Variants in GARNL3 observed in about 807,000 individuals in gnomAD.
GARNL3 encodes GTPase-activating Rap/Ran-GAP domain-like protein 3.
A neutral mutation model predicts 125.0 loss-of-function variants in GARNL3; 63 were observed. That is an observed-to-expected ratio of 0.50 (90% CI 0.41 to 0.62). The LOEUF (loss-of-function observed/expected upper bound fraction) is 0.62, where lower values mean the gene tolerates loss of function less well. Among genes scored for constraint, GARNL3 ranks in the 20% least tolerant of loss-of-function variants. The probability of loss-of-function intolerance (pLI) is 0.00; values close to 1 mark genes in which losing one functional copy is unlikely to be tolerated. For synonymous variants in GARNL3, 439 were observed against 457.5 expected, an observed-to-expected ratio of 0.96 and a Z score of 0.52; for missense variants, 994 against 1,244.0, an observed-to-expected ratio of 0.80 and a Z score of 3.02.
At chr9:127,383,095 A>G (rs1039192423) in intron 22 of GARNL3, among the ~76,000 whole-genome samples, 5 of 152,176 alleles carry the variant, frequency 3.3e-5, no homozygotes, top group African/African-American at 1.2e-4. Flanking sequence ...AAACTACTTC[A>G]TCTCTCCTAA....
intron 20 of GARNL3, among the ~76,000 whole-genome samples, 157 bp from the exon 21 acceptor site, chr9:127,357,062 G>A (rs1355403850): frequency 6.6e-6 from 1 of 152,222 alleles, no homozygotes; most frequent in East Asian, 1.9e-4. Flanking sequence ...GTGACCCCTG[G>A]CACTCCTCTC....
intron 1 of GARNL3, among the ~76,000 whole-genome samples, chr9:127,267,382 A>G (rs966500278): frequency 6.6e-6 from 1 of 152,178 alleles, no homozygotes; most frequent in Non-Finnish European, 1.5e-5. Context: ...TTATATTGTT[A>G]TAATGAAATT....
chr9:127,321,632 T>C (rs542663952), intron 6 of GARNL3, among the ~76,000 whole-genome samples: 76 of 152,212 alleles, frequency 5.0e-4, no homozygotes, highest in African/African-American at 1.8e-3. Context: ...ATCAGAAAAA[T>C]GTCAACCAAA....
chr9:127,352,476 G>A (rs1419881119), intron 17 of GARNL3, among the ~76,000 whole-genome samples: 4 of 152,216 alleles, frequency 2.6e-5, no homozygotes, highest in African/African-American at 9.7e-5. Context: ...TGATCGTCCA[G>A]TGTTTTGAAA....
rs182418185 is a variant in GARNL3, at chr9:127,351,134, T to G, written c.1543+2099T>G. 3.9e-4 allele frequency among the ~76,000 whole-genome samples: 60 copies of G among 152,340 alleles called. 1 individual carries two copies. The East Asian group carries it at 0.011, about 27-fold the overall frequency. On this transcript the variant is annotated intron_variant, in intron 17 of 27. Coordinates refer to ENST00000373387, the MANE Select transcript of GARNL3 (RefSeq NM_032293.5). ...ATGTTCACTCCTTCCCTTTTGCCCT[T>G]TTGGGAAAGAGAAAGCATGCTTCAT...
intron 1 of GARNL3, among the ~76,000 whole-genome samples, chr9:127,284,180 G>C (rs1389508015): frequency 6.6e-6 from 1 of 152,096 alleles, no homozygotes; most frequent in Non-Finnish European, 1.5e-5. Context: ...GTTGTGACAA[G>C]ATCTTCAGTT....
chr9:127,311,659 T>G lies in GARNL3; in HGVS notation c.243T>G (p.Thr81=). The stretch of plus-strand genomic sequence containing the variant: ...AGAATGCAACTGCCCTGCCTGGTAC[T>G]TGGCGAAGAACAGACGTGCACTTAG... ...SDENATALPG[T]WRRTDVHLEN... is the part of the protein sequence containing the mutation. Residue 81 remains threonine (T), a synonymous_variant, in exon 3 of 28, where the codon ACT becomes ACG. Coordinates refer to ENST00000373387, the MANE Select transcript of GARNL3 (RefSeq NM_032293.5). 6.2e-7 allele frequency: 1 copy of G among 1,613,966 alleles called. No individual in the cohort carries two copies. The highest frequency in any genetic ancestry group is 2.2e-5 in the East Asian group (1 of 44,882).
At chr9:127,372,944 G>C (rs1375435795) in intron 22 of GARNL3, among the ~76,000 whole-genome samples, 1 of 152,146 alleles carries the variant, frequency 6.6e-6, no homozygotes, top group Non-Finnish European at 1.5e-5. Flanking sequence ...TTATTATGAA[G>C]AACAAAATTA....
chr9:127,355,174 T>C, intron 19 of GARNL3, 123 bp from the exon 20 acceptor site: 1 of 742,378 alleles, frequency 1.3e-6, no homozygotes, highest in South Asian at 1.7e-5. Context: ...TCGGAAACAT[T>C]CTCAGTCCAT....
chr9:127,357,535 GTTACCA>G (rs1406957437), intron 21 of GARNL3, among the ~76,000 whole-genome samples, 158 bp downstream of exon 21: 6 of 152,322 alleles, frequency 3.9e-5, no homozygotes, highest in Admixed American at 6.5e-5. Context: ...GCCATGTGAA[GTTACCA>G]TTTTTATAGG....
At chr9:127,381,028 G>A (rs546724900) in intron 22 of GARNL3, among the ~76,000 whole-genome samples, 34 of 152,268 alleles carry the variant, frequency 2.2e-4, no homozygotes, top group African/African-American at 8.2e-4. Context: ...ACAGGCATGC[G>A]CCACCACGCC....
intron 2 of GARNL3, among the ~76,000 whole-genome samples, chr9:127,304,047 A>T (rs1470553371): frequency 6.6e-6 from 1 of 152,242 alleles, no homozygotes; most frequent in Non-Finnish European, 1.5e-5. Context: ...CCTAAAGGGC[A>T]TAAAATAAGC....
Position 127,342,328 on chromosome 9 carries a change from G to A in GARNL3, c.1245G>A (p.Leu415=), listed in dbSNP as rs759157717. 5.0e-6 allele frequency: 8 copies of A among 1,593,888 alleles called. No homozygotes were observed. The highest frequency in any genetic ancestry group is 6.9e-6 in the Non-Finnish European group (8 of 1,161,562). ...TACACCAGGATTTGATGCCAGATTT[G>A]CATAAGGTAATTCTGGGTCCATGGT... ...RSLHQDLMPD[L]HKNMLNRRSF... is the part of the protein sequence containing the mutation. Residue 415 remains leucine (L), a synonymous_variant, in exon 14 of 28, where the codon TTG becomes TTA. Coordinates refer to ENST00000373387, the MANE Select transcript of GARNL3 (RefSeq NM_032293.5).
At chr9:127,342,981 T>A (rs916112545) in intron 14 of GARNL3, among the ~76,000 whole-genome samples, 1 of 139,276 alleles carries the variant, frequency 7.2e-6, no homozygotes, top group Admixed American at 8.0e-5. Context: ...CACTGCAACC[T>A]CCACCTCCTG....
chr9:127,343,681 G>A (rs1000940751), intron 14 of GARNL3, among the ~76,000 whole-genome samples: 1 of 152,184 alleles, frequency 6.6e-6, no homozygotes, highest in African/African-American at 2.4e-5. Flanking sequence ...GTTTTAAAGA[G>A]AACTAACATT....
intron 1 of GARNL3, among the ~76,000 whole-genome samples, chr9:127,277,598 A>G (rs2063989109): frequency 6.6e-6 from 1 of 151,890 alleles, no homozygotes; most frequent in Admixed American, 6.6e-5. Context: ...TAAAGTAGGT[A>G]GTCTTCAGCT....
intron 7 of GARNL3, among the ~76,000 whole-genome samples, chr9:127,331,752 C>CTTTTTTTTTTTTT (rs1460770554): frequency 3.7e-5 from 3 of 82,142 alleles, no homozygotes; most frequent in African/African-American, 4.8e-5. Context: ...TGTTTTGTGA[C>CTTTTTTTTTTTTT]TTCTTCAGAT....
At chr9:127,328,479 G>A (rs748420282) in intron 7 of GARNL3, among the ~76,000 whole-genome samples, 65 of 152,108 alleles carry the variant, frequency 4.3e-4, no homozygotes, top group Non-Finnish European at 8.4e-4. Context: ...TTAGCACTTT[G>A]GTAAAATGAT....
intron 17 of GARNL3, among the ~76,000 whole-genome samples, chr9:127,349,939 T>C (rs1399962931): frequency 6.6e-6 from 1 of 152,148 alleles, no homozygotes; most frequent in African/African-American, 2.4e-5. Context: ...TTCCCATCCT[T>C]CAGTACAACC....
Sources: gnomAD v4.1 joint callset for allele counts (sites outside exome capture counted in the v4.1 genomes callset) on GRCh38, gnomAD v4.1.1 for gene constraint, MANE v1.5 for transcripts, NCBI Gene and HGNC (gene_info 2026-07-23, HGNC 2026-07-21) for gene names.